Variants in AGTPBP1 observed in about 807,000 individuals in gnomAD.
AGTPBP1 encodes the protein cytosolic carboxypeptidase 1.
In AGTPBP1, 70 loss-of-function variants were observed where a neutral mutation model predicts 143.9. The observed-to-expected ratio is 0.49, with a 90% CI of 0.40 to 0.59. AGTPBP1 has a LOEUF of 0.59. Ranked by LOEUF, AGTPBP1 falls within the 20% of genes least tolerant of loss-of-function variation. The pLI is 0.00. For missense variants in AGTPBP1, 1,229 were observed against 1,464.5 expected, an observed-to-expected ratio of 0.84 and a Z score of 2.62; for synonymous variants, 463 against 500.2, an observed-to-expected ratio of 0.93 and a Z score of 0.99.
At chr9:85,780,708 G>A in the AGTPBP1 span, among the ~76,000 whole-genome samples, 1 of 152,266 alleles carries the variant, frequency 6.6e-6, no homozygotes, top group East Asian at 1.9e-4. Context: ...CCTACTTTGG[G>A]AAATTTTACA....
chr9:85,614,963 C>T (rs887523931), intron 17 of AGTPBP1, among the ~76,000 whole-genome samples: 1 of 152,122 alleles, frequency 6.6e-6, no homozygotes, highest in African/African-American at 2.4e-5. Flanking sequence ...CAATGTTTAA[C>T]GGCTTCTGAA....
intron 1 of AGTPBP1, among the ~76,000 whole-genome samples, chr9:85,733,725 A>G (rs529690015): frequency 7.2e-5 from 11 of 152,334 alleles, no homozygotes; most frequent in Admixed American, 7.2e-4. Context: ...CAAGATTTAA[A>G]AGAGAGAGGA....
At position 85,579,050 on chromosome 9, in the gene AGTPBP1, C is replaced by T. The variant is rs1303892498; in HGVS notation, c.3212G>A (p.Ser1071Asn). The T allele has an allele frequency of 2.5e-6, 4 of 1,610,870 alleles. No homozygotes were observed. Among genetic ancestry groups the T allele is most frequent in the Non-Finnish European group, 3.4e-6 (4 of 1,178,986 alleles). Residue 1071 changes from serine (S) to asparagine (N), a missense_variant, in exon 24 of 26, where the codon AGC becomes AAC. Physicochemically the swap from Ser to Asn is conservative, Grantham distance 46. Around this residue, in one of 2 missense-constraint regions of AGTPBP1, gnomAD observed 486 missense variants for 652.3 expected, o/e 0.75. Coordinates refer to ENST00000357081, the MANE Select transcript of AGTPBP1 (RefSeq NM_001330701.2). ...LSHIAPAFCM[S>N]SCSFVVEKSK... is the part of the protein sequence containing the mutation. ...TTTTTCCACTACGAAGCTACAGCTGCTCATGCAAAATGCTGGGGCGATATG... is the reference window on the plus strand; with the variant it reads ...TTTTTCCACTACGAAGCTACAGCTGTTCATGCAAAATGCTGGGGCGATATG...
At chr9:85,561,874 C>A (rs1188892769) in intron 25 of AGTPBP1, among the ~76,000 whole-genome samples, 9 of 149,862 alleles carry the variant, frequency 6.0e-5, no homozygotes, top group Non-Finnish European at 1.3e-4. Context: ...ACTCTGTCAC[C>A]CAAGCTGGAG....
chr9:85,801,073 A>T, the AGTPBP1 span, among the ~76,000 whole-genome samples: 198 of 151,970 alleles, frequency 1.3e-3, no homozygotes, highest in African/African-American at 4.2e-3. Context: ...GCACTTTGGG[A>T]GGCTGAGGTG....
At chr9:85,633,501 T>C (rs918027182) in intron 13 of AGTPBP1, 127 bp from the exon 14 acceptor site, 3 of 672,596 alleles carry the variant, frequency 4.5e-6, no homozygotes, top group Non-Finnish European at 6.7e-6. Context: ...TAAAACCGGA[T>C]ATGTTTTCAT....
chr9:85,573,287 G>A (rs1827643296), intron 25 of AGTPBP1, among the ~76,000 whole-genome samples: 1 of 152,146 alleles, frequency 6.6e-6, no homozygotes, highest in African/African-American at 2.4e-5. Context: ...TATTTTTTTG[G>A]TGGAGACGGG....
At chr9:85,669,668 CA>C (rs2134053412) in intron 7 of AGTPBP1, 90 bp from the exon 8 acceptor site, 2 of 747,624 alleles carry the variant, frequency 2.7e-6, no homozygotes, top group Non-Finnish European at 2.3e-6. Flanking sequence ...AAAACATATA[CA>C]AATTGTTTAG....
intron 1 of AGTPBP1, among the ~76,000 whole-genome samples, chr9:85,713,146 A>G (rs1837486550): frequency 6.6e-6 from 1 of 152,202 alleles, no homozygotes; most frequent in South Asian, 2.1e-4. Flanking sequence ...TATTAACCCT[A>G]AAATACTCTA....
At chr9:85,585,193 T>A (rs1828528438) in intron 23 of AGTPBP1, among the ~76,000 whole-genome samples, 1 of 152,164 alleles carries the variant, frequency 6.6e-6, no homozygotes, top group South Asian at 2.1e-4. Flanking sequence ...GATGGCATCA[T>A]CAAATTGACA....
intron 1 of AGTPBP1, among the ~76,000 whole-genome samples, chr9:85,733,872 A>G (rs988190152): frequency 6.6e-6 from 1 of 152,240 alleles, no homozygotes; most frequent in African/African-American, 2.4e-5. Flanking sequence ...AATTCCTAGA[A>G]ACACAAAACC....
At chr9:85,595,896 T>TG (rs1271796064) in intron 18 of AGTPBP1, among the ~76,000 whole-genome samples, 1 of 152,196 alleles carries the variant, frequency 6.6e-6, no homozygotes, top group Non-Finnish European at 1.5e-5. Flanking sequence ...TGTGTTAAGC[T>TG]GATGTACTGT....
At chr9:85,652,445 G>A (rs1833225733) in intron 11 of AGTPBP1, among the ~76,000 whole-genome samples, 2 of 152,122 alleles carry the variant, frequency 1.3e-5, no homozygotes, top group Non-Finnish European at 2.9e-5. Flanking sequence ...CCAGGAAGCG[G>A]ACGCTGCAGT....
At chr9:85,563,571 C>T (rs1419973620) in intron 25 of AGTPBP1, among the ~76,000 whole-genome samples, 4 of 152,068 alleles carry the variant, frequency 2.6e-5, no homozygotes, top group South Asian at 2.1e-4. Context: ...GAATCATTCA[C>T]GAGAGAGGAA....
intron 9 of AGTPBP1, 68 bp from the exon 10 acceptor site, chr9:85,657,711 T>C: frequency 9.0e-7 from 1 of 1,116,804 alleles, no homozygotes; most frequent in Non-Finnish European, 1.3e-6. Context: ...AATAATCAAA[T>C]TTAAAATATT....
At chr9:85,632,430 T>C (rs1831738525) in intron 14 of AGTPBP1, among the ~76,000 whole-genome samples, 1 of 152,210 alleles carries the variant, frequency 6.6e-6, no homozygotes, top group African/African-American at 2.4e-5. Context: ...AACTATCCAA[T>C]GGTCAGGTTT....
intron 17 of AGTPBP1, among the ~76,000 whole-genome samples, chr9:85,617,927 G>GC (rs981964383): frequency 2.0e-5 from 3 of 152,048 alleles, no homozygotes; most frequent in African/African-American, 7.2e-5. Flanking sequence ...AATTTGAATA[G>GC]CCCTAAAACT....
intron 25 of AGTPBP1, among the ~76,000 whole-genome samples, chr9:85,547,941 A>G (rs540255139): frequency 1.3e-5 from 2 of 152,286 alleles, no homozygotes; most frequent in African/African-American, 4.8e-5. Flanking sequence ...CAACTTTTCT[A>G]CTAGGTTCTG....
chr9:85,695,649 T>G (rs1836177667), intron 2 of AGTPBP1, among the ~76,000 whole-genome samples: 1 of 152,180 alleles, frequency 6.6e-6, no homozygotes, highest in Admixed American at 6.5e-5. Context: ...TAATATTCTG[T>G]GTGCATAAAA....
Sources: allele counts gnomAD v4.1 joint callset (sites outside exome capture counted in the v4.1 genomes callset), GRCh38; gene constraint gnomAD v4.1.1; regional missense constraint gnomAD v4.1.1; transcripts MANE v1.5; gene names NCBI Gene and HGNC (gene_info 2026-07-23, HGNC 2026-07-21).